Variants in NRG2 observed in about 807,000 individuals in gnomAD.
NRG2 encodes neuregulin 2, also known as pro-neuregulin-2, membrane-bound isoform.
Under a neutral mutation model 73.9 loss-of-function variants are expected in NRG2, and 27 were observed. The observed-to-expected ratio is 0.37, with a 90% CI of 0.27 to 0.50. The LOEUF (loss-of-function observed/expected upper bound fraction) is 0.50. Among genes scored for constraint, NRG2 ranks in the 20% least tolerant of loss-of-function variants. The pLI is 0.96. For missense variants in NRG2, 1,126 were observed against 1,210.1 expected (o/e 0.93, Z 1.03); for synonymous variants, 532 against 541.0 (o/e 0.98, Z 0.23).
chr5:139,909,558 G>A (rs561178684), intron 1 of NRG2, among the ~76,000 whole-genome samples: 9 of 152,282 alleles, frequency 5.9e-5, no homozygotes, highest in Admixed American at 5.2e-4. Context: ...CCAAGCCCAC[G>A]GTATGTTTGC....
intron 1 of NRG2, among the ~76,000 whole-genome samples, chr5:139,921,134 A>T (rs766620792): frequency 6.6e-6 from 1 of 152,204 alleles, no homozygotes; most frequent in Non-Finnish European, 1.5e-5. Flanking sequence ...ATGTTCATAG[A>T]CGCAAAGACT....
chr5:139,883,332 G>A (rs916684817), intron 2 of NRG2, among the ~76,000 whole-genome samples: 3 of 140,730 alleles, frequency 2.1e-5, no homozygotes, highest in East Asian at 2.2e-4. Flanking sequence ...CCCGCCCCCC[G>A]CCCCCTGCCT....
intron 1 of NRG2, among the ~76,000 whole-genome samples, chr5:140,005,523 T>C (rs533235461): frequency 4.6e-5 from 7 of 152,352 alleles, no homozygotes; most frequent in Non-Finnish European, 5.9e-5. Flanking sequence ...CCTGTCTCTC[T>C]AGCTGCATCA....
chr5:139,971,566 G>A (rs1467892463), intron 1 of NRG2, among the ~76,000 whole-genome samples: 3 of 152,140 alleles, frequency 2.0e-5, no homozygotes, highest in Non-Finnish European at 4.4e-5. Flanking sequence ...CCAGAAGACA[G>A]CATGCTTGCC....
At chr5:140,003,932 C>A (rs973045836) in intron 1 of NRG2, among the ~76,000 whole-genome samples, 7 of 152,142 alleles carry the variant, frequency 4.6e-5, no homozygotes, top group African/African-American at 1.4e-4. Context: ...CTTCACATCA[C>A]CTCCCCAATT....
intron 1 of NRG2, among the ~76,000 whole-genome samples, chr5:139,991,460 T>A (rs1757624079): frequency 6.6e-6 from 1 of 152,026 alleles, no homozygotes. Flanking sequence ...ATTATTATTA[T>A]TAATATAACT....
chr5:139,859,875 C>T, intron 5 of NRG2: 6 of 1,612,144 alleles, frequency 3.7e-6, no homozygotes, highest in Non-Finnish European at 5.1e-6. Context: ...GAGTGACACA[C>T]AGAGGTTTCA....
chr5:139,977,333 A>G (rs921478772), intron 1 of NRG2, among the ~76,000 whole-genome samples: 1 of 152,232 alleles, frequency 6.6e-6, no homozygotes, highest in Admixed American at 6.5e-5. Flanking sequence ...ATTATGAACC[A>G]TGTCCCTAAG....
At chr5:139,909,790 T>C (rs1190724584) in intron 1 of NRG2, among the ~76,000 whole-genome samples, 1 of 152,086 alleles carries the variant, frequency 6.6e-6, no homozygotes, top group African/African-American at 2.4e-5. Flanking sequence ...TAGGATGCAG[T>C]GGGGGCCTGG....
At chr5:140,040,491 G>T (rs1429185465) in intron 1 of NRG2, among the ~76,000 whole-genome samples, 1 of 152,188 alleles carries the variant, frequency 6.6e-6, no homozygotes, top group Non-Finnish European at 1.5e-5. Context: ...GGTGTATTGT[G>T]TTGGGGGAAG....
At chr5:140,000,576 G>A (rs1451689905) in intron 1 of NRG2, among the ~76,000 whole-genome samples, 2 of 152,238 alleles carry the variant, frequency 1.3e-5, no homozygotes, top group Non-Finnish European at 1.5e-5. Context: ...ATGATTCTGG[G>A]TGAAGGAACA....
At chr5:139,932,143 T>C (rs11959368) in intron 1 of NRG2, among the ~76,000 whole-genome samples, 31,220 of 151,990 alleles carry the variant, frequency 0.21, 3,932 homozygotes, top group African/African-American at 0.36. Flanking sequence ...CCCATGTTCA[T>C]GGAAGCATTA....
intron 1 of NRG2, among the ~76,000 whole-genome samples, chr5:140,029,104 G>C (rs537765670): frequency 6.6e-5 from 10 of 152,278 alleles, no homozygotes; most frequent in African/African-American, 2.2e-4. Context: ...AAACCTCCTA[G>C]CTGAGCCCCT....
At chr5:139,922,300 G>A (rs887342232) in intron 1 of NRG2, among the ~76,000 whole-genome samples, 2 of 152,068 alleles carry the variant, frequency 1.3e-5, no homozygotes, top group African/African-American at 4.8e-5. Context: ...ACCTAAAGAG[G>A]TGCCTTACCA....
Position 139,886,692 on chromosome 5 carries a change from C to T in NRG2, c.872+648G>A, listed in dbSNP as rs578167499. Among the ~76,000 whole-genome samples the T allele has an allele frequency of 6.6e-5, 10 of 152,266 alleles. No individual in the cohort carries two copies. In the South Asian group the frequency reaches 2.1e-3, roughly 32 times the overall value. On this transcript the variant is annotated intron_variant, in intron 2 of 9. Transcript: ENST00000361474. ...TAGCGGCTTCTCTGGTGCCAGAAGC[C>T]CCCTGCCTGACCCAGCCAAGATGGA...
intron 5 of NRG2, chr5:139,864,896 G>T: frequency 1.6e-6 from 1 of 616,536 alleles, no homozygotes. Flanking sequence ...GGAGGCCTGG[G>T]TGTGGCCCTG....
intron 1 of NRG2, among the ~76,000 whole-genome samples, chr5:139,916,968 G>A (rs544873239): frequency 3.3e-5 from 5 of 152,234 alleles, no homozygotes; most frequent in East Asian, 1.9e-4. Flanking sequence ...GTAACTCTAC[G>A]TTTAATCATT....
chr5:139,881,060 C>A, intron 2 of NRG2, 86 bp from the exon 3 acceptor site: 1 of 1,008,522 alleles, frequency 9.9e-7, no homozygotes, highest in South Asian at 1.3e-5. Flanking sequence ...TTGCCTCTCT[C>A]CACAGAGCCA....
At chr5:139,945,579 G>T (rs1470687370) in intron 1 of NRG2, among the ~76,000 whole-genome samples, 1 of 151,942 alleles carries the variant, frequency 6.6e-6, no homozygotes. Flanking sequence ...CAAAACTGGA[G>T]GTATTGCTTT....
Sources: gnomAD v4.1 joint callset for allele counts (sites outside exome capture counted in the v4.1 genomes callset) on GRCh38, gnomAD v4.1.1 for gene constraint, MANE v1.5 for transcripts, NCBI Gene and HGNC (gene_info 2026-07-23, HGNC 2026-07-21) for gene names.